The following LRMDA variants were observed in gnomAD, a reference collection of about 807,000 sequenced individuals.
LRMDA encodes leucine-rich melanocyte differentiation-associated protein.
A neutral mutation model predicts 29.8 loss-of-function variants in LRMDA; 18 were observed. The ratio of observed to expected loss-of-function variants is 0.60; its 90% CI spans 0.42 to 0.90. The LOEUF is 0.90. Among genes scored for constraint, LRMDA ranks in the 40% least tolerant of loss-of-function variants. The pLI, the probability that LRMDA is intolerant of heterozygous loss-of-function variation, is 0.00. For missense variants in LRMDA, 273 were observed against 273.9 expected, an observed-to-expected ratio of 1.00 and a Z score of 0.02; for synonymous variants, 125 against 109.4, an observed-to-expected ratio of 1.14 and a Z score of -0.89.
At chr10:75,882,314 A>G (rs2132344789) in intron 2 of LRMDA, among the ~76,000 whole-genome samples, 1 of 152,234 alleles carries the variant, frequency 6.6e-6, no homozygotes, top group East Asian at 1.9e-4. Flanking sequence ...TCTTCTTCTC[A>G]CTGTAATATA....
In LRMDA at chr10:76,034,185, AT is replaced by A. The variant is rs200975114; in HGVS notation, c.132-1813del. ...ATGTGCGTACATTGTGGGTTTTTAA[AT>A]TTTTTTTTTGTTTGTATTTTTTGTG... is the stretch of plus-strand genomic sequence containing the variant. On this transcript the variant is annotated intron_variant, in intron 2 of 6. Transcript: ENST00000611255. Among the ~76,000 whole-genome samples, 1,328 of 150,716 alleles carry A rather than the reference AT, an allele frequency of 8.8e-3. 11 individuals are homozygous for A. Among genetic ancestry groups the A allele is most frequent in the South Asian group, 0.012 (55 of 4,738 alleles).
At chr10:75,617,910 G>A (rs1199677666) in intron 2 of LRMDA, among the ~76,000 whole-genome samples, 1 of 152,144 alleles carries the variant, frequency 6.6e-6, no homozygotes, top group Non-Finnish European at 1.5e-5. Flanking sequence ...ACTGACCTTG[G>A]GCAAATCAAC....
intron 2 of LRMDA, among the ~76,000 whole-genome samples, chr10:75,935,020 C>A (rs564167669): frequency 6.6e-6 from 1 of 152,076 alleles, no homozygotes; most frequent in Non-Finnish European, 1.5e-5. Context: ...TGCTCCTGGT[C>A]CCTGGTCCAG....
At chr10:75,815,896 A>G (rs1844050418) in intron 2 of LRMDA, among the ~76,000 whole-genome samples, 2 of 152,338 alleles carry the variant, frequency 1.3e-5, no homozygotes, top group South Asian at 2.1e-4. Flanking sequence ...TGTTATCACC[A>G]TTTTGCAGGA....
In LRMDA at chr10:76,545,810, C is replaced by T. The variant is rs114475091; in HGVS notation, c.602-11399C>T. 8.2e-3 allele frequency among the ~76,000 whole-genome samples: 1,248 copies of T among 151,998 alleles called. 15 individuals are homozygous for T. Among genetic ancestry groups the T allele is most frequent in the African/African-American group, 0.028 (1,163 of 41,462 alleles). On this transcript the variant is annotated intron_variant, in intron 6 of 6. Coordinates refer to ENST00000611255, the MANE Select transcript of LRMDA (RefSeq NM_001305581.2). ...CTGATTTTAGACAGTCTTGATTTTA[C>T]AAGAGTAAAAAGCAATGTCACGAGT...
At chr10:75,837,273 ACTC>A (rs1232373115) in intron 2 of LRMDA, among the ~76,000 whole-genome samples, 1 of 151,832 alleles carries the variant, frequency 6.6e-6, no homozygotes, top group Non-Finnish European at 1.5e-5. Context: ...GATAGTCACT[ACTC>A]CTGTATTTCA....
At chr10:76,261,887 T>C (rs143508585) in intron 5 of LRMDA, among the ~76,000 whole-genome samples, 1 of 152,232 alleles carries the variant, frequency 6.6e-6, no homozygotes, top group African/African-American at 2.4e-5. Context: ...ATTTGAGCAA[T>C]CTTGATAAGT....
At chr10:76,181,363 C>A (rs775679404) in intron 5 of LRMDA, among the ~76,000 whole-genome samples, 4 of 152,198 alleles carry the variant, frequency 2.6e-5, no homozygotes, top group Non-Finnish European at 5.9e-5. Flanking sequence ...ATGTTTGACT[C>A]ATCGTCAGTA....
At chr10:76,311,519 A>G (rs1172370087) in intron 5 of LRMDA, among the ~76,000 whole-genome samples, 2 of 152,180 alleles carry the variant, frequency 1.3e-5, no homozygotes, top group Admixed American at 6.5e-5. Context: ...AACACTCAGC[A>G]AATCTCCAAA....
At chr10:76,424,332 A>G (rs1365077043) in intron 6 of LRMDA, among the ~76,000 whole-genome samples, 1 of 152,042 alleles carries the variant, frequency 6.6e-6, no homozygotes, top group African/African-American at 2.4e-5. Flanking sequence ...GATTGAGACC[A>G]TCCTGACAAA....
chr10:75,757,683 A>C (rs1004328499), intron 2 of LRMDA, among the ~76,000 whole-genome samples: 6 of 152,298 alleles, frequency 3.9e-5, no homozygotes, highest in African/African-American at 1.4e-4. Flanking sequence ...CGGTACTTAG[A>C]ACAGTGACTG....
rs567214596 is a variant in LRMDA at position 76,157,167 on chromosome 10, G to A, written c.516+98384G>A. Among the ~76,000 whole-genome samples, 9 of 152,276 alleles carry A rather than the reference G, an allele frequency of 5.9e-5. No homozygotes were observed. The South Asian group carries it at 1.9e-3, about 32-fold the overall frequency. On this transcript the variant is annotated intron_variant, in intron 5 of 6. Coordinates refer to ENST00000611255, the MANE Select transcript of LRMDA (RefSeq NM_001305581.2). ...AGTTGGGAGACTCCCTTTTGAAAAT[G>A]GATCAAGGTAAATTTAGGACCAATA...
At chr10:76,299,476 A>G (rs1840452872) in intron 5 of LRMDA, among the ~76,000 whole-genome samples, 1 of 152,180 alleles carries the variant, frequency 6.6e-6, no homozygotes. Context: ...AGAAGTTCAT[A>G]CAGAAGCTAA....
chr10:76,209,335 C>T (rs901635497), intron 5 of LRMDA, among the ~76,000 whole-genome samples: 58 of 152,172 alleles, frequency 3.8e-4, no homozygotes, highest in African/African-American at 1.3e-3. Context: ...TTTCCAGGCC[C>T]AGCTGAGACC....
At chr10:75,672,558 CCCCTCCCCTTCCCTTCCCTT>C (rs1841908694) in intron 2 of LRMDA, among the ~76,000 whole-genome samples, 4 of 15,036 alleles carry the variant, frequency 2.7e-4, no homozygotes, top group African/African-American at 5.4e-4. Context: ...CCCCTCCCCT[CCCCTCCCCTTCCCTTCCCTT>C]CCCTTCCCTG....
intron 5 of LRMDA, among the ~76,000 whole-genome samples, chr10:76,206,800 C>T (rs950102579): frequency 6.6e-6 from 1 of 152,220 alleles, no homozygotes; most frequent in South Asian, 2.1e-4. Flanking sequence ...GACTTTCATG[C>T]AGCCCCTGCA....
intron 2 of LRMDA, among the ~76,000 whole-genome samples, chr10:75,608,881 C>T (rs868754466): frequency 2.4e-4 from 37 of 152,290 alleles, no homozygotes; most frequent in Admixed American, 2.1e-3. Context: ...CTGCCTGGGT[C>T]ACCTGTCTTG....
At chr10:76,363,215 A>AAGGGAGAG (rs1491098591) in intron 6 of LRMDA, among the ~76,000 whole-genome samples, 1,667 of 24,954 alleles carry the variant, frequency 0.067, 290 homozygotes, top group African/African-American at 0.15. Context: ...GGAGGGAAGG[A>AAGGGAGAG]AGAGAAAGAA....
At chr10:75,606,150 G>A (rs758516216) in intron 2 of LRMDA, among the ~76,000 whole-genome samples, 9 of 152,094 alleles carry the variant, frequency 5.9e-5, no homozygotes, top group Admixed American at 2.6e-4. Context: ...GAGCCACTGC[G>A]CCTGGCCAAC....
Sources: gnomAD v4.1 joint callset for allele counts (sites outside exome capture counted in the v4.1 genomes callset) on GRCh38, gnomAD v4.1.1 for gene constraint, MANE v1.5 for transcripts, NCBI Gene and HGNC (gene_info 2026-07-23, HGNC 2026-07-21) for gene names.